Variants in AKR1C2 observed in about 807,000 individuals in gnomAD.
AKR1C2 encodes the protein aldo-keto reductase family 1 member C2.
AKR1C2 carries 27 observed loss-of-function variants against 39.8 expected under a neutral mutation model. The observed-to-expected ratio is 0.68, with a 90% CI of 0.50 to 0.93. The LOEUF is 0.93. AKR1C2 is among the 40% of genes least tolerant of loss of function. The probability of loss-of-function intolerance (pLI) is 0.00; values close to 1 mark genes in which losing one functional copy is unlikely to be tolerated. For missense variants in AKR1C2, 263 were observed against 365.1 expected, an observed-to-expected ratio of 0.72 and a Z score of 2.28; for synonymous variants, 114 against 137.9, an observed-to-expected ratio of 0.83 and a Z score of 1.22.
At chr10:5,000,781 A>G in intron 2 of AKR1C2, 115 bp from the exon 3 acceptor site, 1 of 840,694 alleles carries the variant, frequency 1.2e-6, no homozygotes, top group Non-Finnish European at 1.9e-6. Context: ...ACCACAGGCA[A>G]AATTATTCTC....
chr10:4,998,058 A>G (rs1285311164), intron 5 of AKR1C2, among the ~76,000 whole-genome samples: 1 of 152,186 alleles, frequency 6.6e-6, no homozygotes, highest in African/African-American at 2.4e-5. Context: ...AGATATCTCC[A>G]TAAACAGGTC....
At chr10:4,992,303 C>G (rs1159869481) in intron 7 of AKR1C2, among the ~76,000 whole-genome samples, 2 of 152,148 alleles carry the variant, frequency 1.3e-5, no homozygotes, top group South Asian at 2.1e-4. Context: ...ATATCTATCT[C>G]TCCAATGAAC....
At position 4,989,971 on chromosome 10, in the gene AKR1C2, C is replaced by A. The variant is rs574011341; in HGVS notation, c.*25G>T. The A allele has an allele frequency of 2.5e-6, 4 of 1,593,718 alleles. No homozygotes were observed. In the African/African-American group the frequency reaches 5.4e-5, roughly 21 times the overall value. ...ACCATCCACACGCAGGGCCTTCTGG[C>A]AGACCTCATGCAATGCCCTCCATGT... On this transcript the variant is annotated 3_prime_UTR_variant, in exon 9 of 9. Coordinates refer to ENST00000380753, the MANE Select transcript of AKR1C2 (RefSeq NM_001393392.1).
At chr10:5,001,828 TG>T in intron 1 of AKR1C2, 147 bp from the exon 2 acceptor site, 1 of 1,093,732 alleles carries the variant, frequency 9.1e-7, no homozygotes, top group Non-Finnish European at 1.3e-6. Flanking sequence ...CCAGTCTGAC[TG>T]GGTCTTTCCC....
At chr10:5,000,306 A>G in intron 3 of AKR1C2, 1 of 1,491,048 alleles carries the variant, frequency 6.7e-7, no homozygotes, top group South Asian at 1.4e-5. Flanking sequence ...CATTTCCTCA[A>G]GTTTTTGAGG....
intron 5 of AKR1C2, among the ~76,000 whole-genome samples, chr10:4,996,789 G>A (rs1249961562): frequency 1.3e-5 from 2 of 151,820 alleles, no homozygotes; most frequent in Non-Finnish European, 1.5e-5. Flanking sequence ...TTTTTACTTG[G>A]TGAGAAATTA....
chr10:4,992,732 C>A (rs1468241926), intron 7 of AKR1C2, among the ~76,000 whole-genome samples: 1 of 151,104 alleles, frequency 6.6e-6, no homozygotes, highest in East Asian at 1.9e-4. Flanking sequence ...AGGAGGATTG[C>A]CTGATTTCAG....
Position 4,989,846 on chromosome 10 carries a change from G to A in AKR1C2, c.*150C>T, listed in dbSNP as rs140851659. 1.9e-4 allele frequency: 223 copies of A among 1,145,032 alleles called. No homozygotes were observed. The highest frequency in any genetic ancestry group is 4.9e-4 in the Admixed American group (17 of 34,478). The allele number at this position is 1,145,032 out of a possible 1,614,324, so 70.9% of individuals were successfully genotyped here. On this transcript the variant is annotated 3_prime_UTR_variant, in exon 9 of 9. Coordinates refer to ENST00000380753, the MANE Select transcript of AKR1C2 (RefSeq NM_001393392.1). ...AACAAAATTATTGTCTTTCTTTTCC[G>A]GCCGATGGGCTTAGCTGTAGCTTAC...
intron 1 of AKR1C2, among the ~76,000 whole-genome samples, chr10:5,002,677 C>A (rs1452321365): frequency 2.0e-5 from 3 of 152,152 alleles, no homozygotes; most frequent in Admixed American, 6.5e-5. Flanking sequence ...ATGACAAAAA[C>A]AGAAACAAAG....
At position 5,001,564 on chromosome 10, in the gene AKR1C2, T is replaced by C. The variant is rs1361299637; in HGVS notation, c.202A>G (p.Lys68Glu). 4 of 1,613,920 alleles carry C rather than the reference T, an allele frequency of 2.5e-6. No individual in the cohort carries two copies. The highest frequency in any genetic ancestry group is 2.5e-6 in the Non-Finnish European group (3 of 1,179,914). ...CTCTTCACACTGCCATCTGCAATCT[T>C]GCTTCGGATGGCCAGTCCAACCTGC... ...EEQVGLAIRSKIADGSVKRED... is the reference protein window; with the variant it reads ...EEQVGLAIRSEIADGSVKRED... The change falls in exon 2 of 9, where the codon AAG becomes GAG. Residue 68 changes from lysine (K) to glutamate (E), a missense_variant. By Grantham distance (56) the Lys-to-Glu change is moderately conservative. This residue lies in a region of AKR1C2 where 247 missense variants were observed against 267.9 expected (regional missense o/e 0.92). Transcript: ENST00000380753.
At chr10:5,012,672 C>T (rs117637854) in intron 1 of AKR1C2, among the ~76,000 whole-genome samples, 2,388 of 152,094 alleles carry the variant, frequency 0.016, 41 homozygotes, top group Non-Finnish European at 0.026. Context: ...GCCTGTTGAA[C>T]GAGATTTTGG....
upstream of AKR1C2, chr10:5,006,405 C>T (rs1316099257): frequency 6.6e-6 from 1 of 152,048 alleles, no homozygotes; most frequent in African/African-American, 2.4e-5. Flanking sequence ...AGTTCGAGAC[C>T]AGCCTGGCTA....
intron 5 of AKR1C2, chr10:4,997,377 CA>C (rs1430762484): frequency 3.3e-5 from 5 of 152,324 alleles, no homozygotes; most frequent in Non-Finnish European, 7.3e-5. Context: ...GACCGGATAC[CA>C]AATGACATAA....
intron 8 of AKR1C2, among the ~76,000 whole-genome samples, chr10:4,991,495 C>A (rs1363676736): frequency 1.4e-4 from 22 of 152,184 alleles, no homozygotes; most frequent in Non-Finnish European, 2.5e-4. Flanking sequence ...TCTAATGCGA[C>A]CACATGGGCC....
upstream of AKR1C2, among the ~76,000 whole-genome samples, chr10:5,006,837 A>G (rs1411714682): frequency 2.0e-4 from 30 of 150,328 alleles, no homozygotes; most frequent in African/African-American, 3.2e-4. Context: ...GTGCAGTGGT[A>G]CATCTCAGCT....
chr10:5,014,696 C>T (rs1394935747), intron 1 of AKR1C2, among the ~76,000 whole-genome samples: 1 of 152,172 alleles, frequency 6.6e-6, no homozygotes, highest in East Asian at 1.9e-4. Context: ...AAAGCGTTCC[C>T]TCTAGCTAGA....
chr10:4,993,086 C>T (rs759891065), intron 7 of AKR1C2, among the ~76,000 whole-genome samples: 1 of 152,184 alleles, frequency 6.6e-6, no homozygotes, highest in Non-Finnish European at 1.5e-5. Context: ...AGATTCAGTT[C>T]TCTCTGCATT....
chr10:4,998,983 A>G (rs1453761662), intron 4 of AKR1C2, among the ~76,000 whole-genome samples: 10 of 152,212 alleles, frequency 6.6e-5, no homozygotes, highest in Non-Finnish European at 1.0e-4. Context: ...AGGCAAGGAA[A>G]GAAATCCCAG....
chr10:5,000,343 C>CT, intron 3 of AKR1C2: 1 of 1,537,120 alleles, frequency 6.5e-7, no homozygotes, highest in Non-Finnish European at 8.8e-7. Context: ...TCTGCACTCT[C>CT]TTTTCTTGTA....
Sources: allele counts gnomAD v4.1 joint callset (sites outside exome capture counted in the v4.1 genomes callset), GRCh38; gene constraint gnomAD v4.1.1; regional missense constraint gnomAD v4.1.1; transcripts MANE v1.5; gene names NCBI Gene and HGNC (gene_info 2026-07-23, HGNC 2026-07-21).